SETD3: variants seen among roughly 807,000 people sequenced by gnomAD.
SETD3 encodes the protein actin-histidine N-methyltransferase.
Under a neutral mutation model 63.0 loss-of-function variants are expected in SETD3, and 19 were observed. The ratio of observed to expected loss-of-function variants is 0.30; its 90% CI spans 0.21 to 0.44. The LOEUF (loss-of-function observed/expected upper bound fraction) is 0.44, where lower values mean the gene tolerates loss of function less well. SETD3 is among the 20% of genes least tolerant of loss of function. SETD3 has a pLI of 1.00. For synonymous variants in SETD3, 286 were observed against 264.1 expected (o/e 1.08, Z -0.80); for missense variants, 587 against 728.5 (o/e 0.81, Z 2.24).
intron 7 of SETD3, 132 bp from the exon 8 acceptor site, chr14:99,413,197 T>C (rs929947859): frequency 6.5e-6 from 4 of 613,536 alleles, no homozygotes; most frequent in Non-Finnish European, 1.2e-5. Flanking sequence ...ACAAAGGTAA[T>C]GTTTGGCCTT....
chr14:99,424,936 G>GCACTTGCACTAACTTTGCACTCACCTT (rs1892798534), intron 6 of SETD3, among the ~76,000 whole-genome samples: 2 of 151,986 alleles, frequency 1.3e-5, no homozygotes, highest in African/African-American at 4.8e-5. Flanking sequence ...TAACTGTTAT[G>GCACTTGCACTAACTTTGCACTCACCTT]GCACCTGGAA....
In SETD3 at chr14:99,427,704, C is replaced by T. The variant is rs578246927; in HGVS notation, c.676-13770G>A. ...CCAAACCTGCACTGTGTGTCTGCTG[C>T]GTGCAAGGCATTGTGGGGGGACAAT... is the stretch of plus-strand genomic sequence containing the variant. On this transcript the variant is annotated intron_variant, in intron 6 of 12. Transcript: ENST00000331768. Among the ~76,000 whole-genome samples the T allele has an allele frequency of 5.9e-5, 9 of 152,266 alleles. No individual in the cohort carries two copies. In the East Asian group the frequency reaches 7.7e-4, roughly 13 times the overall value.
intron 6 of SETD3, among the ~76,000 whole-genome samples, chr14:99,447,109 C>T (rs1348910772): frequency 1.3e-5 from 2 of 152,050 alleles, no homozygotes; most frequent in African/African-American, 4.8e-5. Context: ...GTATCTGGGA[C>T]TACAGGCGCA....
chr14:99,480,337 C>T (rs1311026447), intron 1 of SETD3, among the ~76,000 whole-genome samples: 1 of 151,958 alleles, frequency 6.6e-6, no homozygotes, highest in Non-Finnish European at 1.5e-5. Flanking sequence ...AGAGCAGGCG[C>T]GAGGGCCGGG....
intron 6 of SETD3, among the ~76,000 whole-genome samples, chr14:99,447,890 C>G (rs1423598932): frequency 6.6e-6 from 1 of 152,192 alleles, no homozygotes; most frequent in Non-Finnish European, 1.5e-5. Context: ...CTTTAGGGAG[C>G]TGGAAGAGAC....
chr14:99,423,084 G>A (rs1235488537), intron 6 of SETD3, among the ~76,000 whole-genome samples: 2 of 152,240 alleles, frequency 1.3e-5, no homozygotes, highest in East Asian at 3.9e-4. Context: ...GAGAAAATCC[G>A]CAACACTGTC....
chr14:99,445,182 A>G (rs148302259), intron 6 of SETD3, among the ~76,000 whole-genome samples: 1 of 152,238 alleles, frequency 6.6e-6, no homozygotes, highest in African/African-American at 2.4e-5. Flanking sequence ...AATTCGAAGA[A>G]ATCAGGAAGA....
At chr14:99,482,027 C>A (rs778892376), upstream of SETD3, among the ~76,000 whole-genome samples, 6 of 152,120 alleles carry the variant, frequency 3.9e-5, no homozygotes, top group Non-Finnish European at 7.3e-5. Flanking sequence ...GGACCCGCTC[C>A]TGGTGGTTGA....
At position 99,480,356 on chromosome 14, in the gene SETD3, G is replaced by A. The variant is rs1240733578; in HGVS notation, c.-9+372C>T. Among the ~76,000 whole-genome samples, 7 of 152,094 alleles carry A rather than the reference G, an allele frequency of 4.6e-5. No homozygotes were observed. The East Asian group carries it at 9.7e-4, about 21-fold the overall frequency. On this transcript the variant is annotated intron_variant, in intron 1 of 12. Transcript: ENST00000331768. ...CAGGCGCGAGGGCCGGGGACAGCGG[G>A]GCAAGCTCGGGGAGAGCGCTGCCTG...
At position 99,405,002 on chromosome 14, in the gene SETD3, C is replaced by A. The variant is rs1389722524; in HGVS notation, c.1091+203G>T. 3.9e-5 allele frequency among the ~76,000 whole-genome samples: 6 copies of A among 152,210 alleles called. No individual in the cohort carries two copies. The East Asian group carries it at 9.6e-4, about 24-fold the overall frequency. On this transcript the variant is annotated intron_variant, in intron 10 of 12. Coordinates refer to ENST00000331768, the MANE Select transcript of SETD3 (RefSeq NM_032233.3). ...TATCCCCCAGAACTGACTGTGAATG[C>A]GCCCAACGACACAATTATGTTTACC...
chr14:99,466,474 A>G (rs563698312), intron 1 of SETD3, among the ~76,000 whole-genome samples: 3 of 152,242 alleles, frequency 2.0e-5, no homozygotes, highest in Non-Finnish European at 1.5e-5. Flanking sequence ...AATGATGAGC[A>G]TATTTTCACA....
chr14:99,437,632 T>C (rs1566708772), intron 6 of SETD3, among the ~76,000 whole-genome samples: 1 of 152,288 alleles, frequency 6.6e-6, no homozygotes, highest in Non-Finnish European at 1.5e-5. Flanking sequence ...GACTTGTGTG[T>C]GACCGTGTGA....
chr14:99,429,174 A>G (rs1314607814), intron 6 of SETD3, among the ~76,000 whole-genome samples: 2 of 152,014 alleles, frequency 1.3e-5, no homozygotes, highest in African/African-American at 4.8e-5. Context: ...GCTCCATGGG[A>G]TCTCCACTCC....
intron 1 of SETD3, among the ~76,000 whole-genome samples, chr14:99,470,169 T>G (rs1357445609): frequency 2.0e-5 from 3 of 152,168 alleles, no homozygotes; most frequent in Non-Finnish European, 4.4e-5. Context: ...CCTGTCCCCT[T>G]GTCTTCTCCT....
intron 1 of SETD3, among the ~76,000 whole-genome samples, chr14:99,475,634 A>C (rs891344191): frequency 2.0e-5 from 3 of 152,230 alleles, no homozygotes; most frequent in African/African-American, 7.2e-5. Context: ...AAGTGAGCAA[A>C]ACCACTTAAG....
chr14:99,434,485 G>C (rs529047616), intron 6 of SETD3, among the ~76,000 whole-genome samples: 8 of 152,286 alleles, frequency 5.3e-5, no homozygotes, highest in African/African-American at 1.9e-4. Flanking sequence ...ACGGGGAAAA[G>C]ACAGTGGGGA....
At chr14:99,435,035 C>A (rs1893402324) in intron 6 of SETD3, among the ~76,000 whole-genome samples, 1 of 151,862 alleles carries the variant, frequency 6.6e-6, no homozygotes, top group African/African-American at 2.4e-5. Flanking sequence ...TATTTTTATT[C>A]TATTAATACC....
chr14:99,413,389 T>C (rs1285345461), intron 7 of SETD3: 10 of 298,230 alleles, frequency 3.4e-5, no homozygotes, highest in Non-Finnish European at 6.2e-5. Context: ...AACCCAACCC[T>C]CTTTTGCCCA....
chr14:99,416,795 G>A (rs1382187442), intron 6 of SETD3, among the ~76,000 whole-genome samples: 2 of 152,110 alleles, frequency 1.3e-5, no homozygotes, highest in African/African-American at 4.8e-5. Flanking sequence ...ACTTTCTTGA[G>A]CACAATAAAT....
Sources: allele counts gnomAD v4.1 joint callset (sites outside exome capture counted in the v4.1 genomes callset), GRCh38; gene constraint gnomAD v4.1.1; transcripts MANE v1.5; gene names NCBI Gene and HGNC (gene_info 2026-07-23, HGNC 2026-07-21).